TMC1: variants seen among roughly 807,000 people sequenced by gnomAD.
TMC1 encodes transmembrane channel-like protein 1.
In TMC1, 84 loss-of-function variants were observed where a neutral mutation model predicts 105.8. That is an observed-to-expected ratio of 0.79 (90% CI 0.67 to 0.95). The LOEUF is 0.95. TMC1 is among the 40% of genes least tolerant of loss of function. TMC1 has a pLI of 0.00. For missense variants in TMC1, 817 were observed against 914.1 expected (o/e 0.89, Z 1.37); for synonymous variants, 315 against 311.5 (o/e 1.01, Z -0.12).
chr9:72,530,482 C>A (rs1823480672), intron 1 of TMC1, among the ~76,000 whole-genome samples: 1 of 151,902 alleles, frequency 6.6e-6, no homozygotes, highest in Non-Finnish European at 1.5e-5. Context: ...CCCAGCTACT[C>A]AGGAGGCTGA....
rs888675673 is a variant in TMC1 at position 72,534,877 on chromosome 9, T to C, written c.-428+12964T>C. Among the ~76,000 whole-genome samples the C allele has an allele frequency of 2.0e-5, 3 of 152,268 alleles. No individual in the cohort carries two copies. The East Asian group carries it at 5.8e-4, about 29-fold the overall frequency. On this transcript the variant is annotated intron_variant, in intron 1 of 23. Coordinates refer to ENST00000297784, the MANE Select transcript of TMC1 (RefSeq NM_138691.3). ...GTAGTTGGCAGCCTGTTATAAAGATTTAGAGTATTCAAAGATAAAGGCAAA... is the reference window on the plus strand; with the variant it reads ...GTAGTTGGCAGCCTGTTATAAAGATCTAGAGTATTCAAAGATAAAGGCAAA...
chr9:72,684,224 A>G (rs1322295757), intron 5 of TMC1, among the ~76,000 whole-genome samples: 1 of 152,122 alleles, frequency 6.6e-6, no homozygotes, highest in Non-Finnish European at 1.5e-5. Flanking sequence ...AAATAGCAAA[A>G]ATAGCTGTAT....
chr9:72,625,000 C>T (rs1327938723), intron 3 of TMC1, among the ~76,000 whole-genome samples: 3 of 152,166 alleles, frequency 2.0e-5, no homozygotes, highest in Admixed American at 2.0e-4. Flanking sequence ...TTGCTGTGGG[C>T]ATCTGAATAT....
At chr9:72,628,650 G>A (rs951803674) in intron 4 of TMC1, among the ~76,000 whole-genome samples, 1 of 152,174 alleles carries the variant, frequency 6.6e-6, no homozygotes, top group Non-Finnish European at 1.5e-5. Flanking sequence ...CTTTTCTTCT[G>A]CCATCAGGGA....
chr9:72,821,731 G>A (rs1052472269), intron 20 of TMC1, among the ~76,000 whole-genome samples: 1 of 152,192 alleles, frequency 6.6e-6, no homozygotes, highest in Non-Finnish European at 1.5e-5. Flanking sequence ...GTCTGGATGT[G>A]AGTTTGCCTG....
At chr9:72,637,078 A>G (rs139047130) in intron 4 of TMC1, among the ~76,000 whole-genome samples, 1,553 of 152,188 alleles carry the variant, frequency 0.01, 18 homozygotes, top group Middle Eastern at 0.027. Context: ...ACTAATGAGA[A>G]TAAATGTGGA....
At chr9:72,785,588 T>C (rs906198367) in intron 13 of TMC1, among the ~76,000 whole-genome samples, 2 of 152,186 alleles carry the variant, frequency 1.3e-5, no homozygotes, top group Non-Finnish European at 2.9e-5. Flanking sequence ...AAGGGTTACT[T>C]GAACCCAAGC....
chr9:72,600,305 G>A (rs539268944), intron 2 of TMC1, among the ~76,000 whole-genome samples: 64 of 152,296 alleles, frequency 4.2e-4, no homozygotes, highest in Non-Finnish European at 7.9e-4. Context: ...GAAATCCTGT[G>A]TCACGTGCCT....
intron 2 of TMC1, among the ~76,000 whole-genome samples, chr9:72,607,002 T>TATATAGAGAGAGAGAGAGAG (rs372785242): frequency 0.012 from 1,677 of 134,820 alleles, 16 homozygotes; most frequent in Non-Finnish European, 0.021. Context: ...TATATATATA[T>TATATAGAGAGAGAGAGAGAG]AGAGAGAGAG....
At chr9:72,733,835 C>T (rs112670252) in intron 8 of TMC1, among the ~76,000 whole-genome samples, 55 of 152,264 alleles carry the variant, frequency 3.6e-4, no homozygotes, top group African/African-American at 1.3e-3. Flanking sequence ...ATCTTAGCAA[C>T]CTCAGCATAC....
chr9:72,832,274 G>GT (rs1469815738), intron 23 of TMC1, among the ~76,000 whole-genome samples: 1 of 150,242 alleles, frequency 6.7e-6, no homozygotes, highest in Non-Finnish European at 1.5e-5. Context: ...TTTATCCTAA[G>GT]TTTAGAACAG....
rs188984244 is a variant in TMC1, at chr9:72,650,833, G to A, written c.16+2169G>A. Among the ~76,000 whole-genome samples the A allele has an allele frequency of 7.5e-4, 107 of 143,130 alleles. No homozygotes were observed. In the Middle Eastern group the frequency reaches 0.019, roughly 26 times the overall value. The allele number at this position is 143,130 out of a possible 152,430, so 93.9% of individuals were successfully genotyped here. A position where few individuals can be genotyped will look rare whatever the true frequency, so the allele number is the denominator to read the frequency against. ...ACGTTCCCACATAAGATATAATCTC[G>A]TTCTTTTTTTATGGCTGCATGGTAT... On this transcript the variant is annotated intron_variant, in intron 5 of 23. Transcript: ENST00000297784.
intron 7 of TMC1, among the ~76,000 whole-genome samples, chr9:72,699,790 C>T (rs1314864279): frequency 6.8e-6 from 1 of 147,366 alleles, no homozygotes; most frequent in Non-Finnish European, 1.5e-5. Context: ...AACTCTGTCT[C>T]TAATAAAAAT....
At chr9:72,720,285 A>G (rs1430337013) in intron 8 of TMC1, among the ~76,000 whole-genome samples, 1 of 152,218 alleles carries the variant, frequency 6.6e-6, no homozygotes, top group Non-Finnish European at 1.5e-5. Context: ...GCTCTCCCAG[A>G]AGTCACAAAC....
chr9:72,725,357 ATATATATATATG>A (rs1249872402), intron 8 of TMC1, among the ~76,000 whole-genome samples: 16 of 82,792 alleles, frequency 1.9e-4, no homozygotes, highest in African/African-American at 8.1e-4. Context: ...ATATATATAT[ATATATATATATG>A]TATATACACA....
At chr9:72,587,787 ATTTT>A (rs1305772110) in intron 2 of TMC1, among the ~76,000 whole-genome samples, 2 of 142,092 alleles carry the variant, frequency 1.4e-5, no homozygotes. Flanking sequence ...TTAATTTTTA[ATTTT>A]TTTTTTTTTT....
chr9:72,604,968 TA>T (rs1018100696), intron 2 of TMC1, among the ~76,000 whole-genome samples: 10 of 152,236 alleles, frequency 6.6e-5, no homozygotes, highest in African/African-American at 2.4e-4. Flanking sequence ...AAAGGGAATG[TA>T]AAAATTCTAG....
chr9:72,648,455 C>A, intron 4 of TMC1, 142 bp from the exon 5 acceptor site: 4 of 638,038 alleles, frequency 6.3e-6, no homozygotes, highest in South Asian at 5.4e-5. Flanking sequence ...ACTAAACATT[C>A]GTGAAAATTT....
chr9:72,584,628 T>G (rs994158616), intron 2 of TMC1, among the ~76,000 whole-genome samples: 1 of 151,846 alleles, frequency 6.6e-6, no homozygotes, highest in Non-Finnish European at 1.5e-5. Context: ...TAATAAACAA[T>G]AGATTATCAT....
Sources: gnomAD v4.1 joint callset for allele counts (sites outside exome capture counted in the v4.1 genomes callset) on GRCh38, gnomAD v4.1.1 for gene constraint, MANE v1.5 for transcripts, NCBI Gene and HGNC (gene_info 2026-07-23, HGNC 2026-07-21) for gene names.